The following MED24 variants were observed in gnomAD, a reference collection of about 807,000 sequenced individuals.
The protein encoded by MED24 is mediator of RNA polymerase II transcription subunit 24.
In MED24, 74 loss-of-function variants were observed where a neutral mutation model predicts 118.8. That is an observed-to-expected ratio of 0.62 (90% confidence interval 0.52 to 0.76). The LOEUF (loss-of-function observed/expected upper bound fraction) is 0.76. MED24 is among the 30% of genes least tolerant of loss of function. The pLI, the probability that MED24 is intolerant of heterozygous loss-of-function variation, is 0.00. For missense variants in MED24, 1,041 were observed against 1,278.9 expected (o/e 0.81, Z 2.84); for synonymous variants, 521 against 523.9 (o/e 0.99, Z 0.08).
intron 6 of MED24, chr17:40,034,876 CT>C: frequency 2.1e-6 from 1 of 482,830 alleles, no homozygotes; most frequent in Non-Finnish European, 3.8e-6. Context: ...CCCCCAGCAC[CT>C]AGCACAGTGC....
chr17:40,032,332 C>G, intron 9 of MED24: 1 of 580,276 alleles, frequency 1.7e-6, no homozygotes, highest in Non-Finnish European at 3.0e-6. Context: ...GAAAAAGATG[C>G]CATAAGCAAA....
chr17:40,047,008 T>A (rs1039125506), intron 3 of MED24, among the ~76,000 whole-genome samples: 6 of 151,938 alleles, frequency 3.9e-5, no homozygotes. Flanking sequence ...CTTGGGAACC[T>A]GAGGTAGGAG....
chr17:40,037,867 C>T (rs143443516), intron 3 of MED24, among the ~76,000 whole-genome samples: 10 of 150,968 alleles, frequency 6.6e-5, no homozygotes, highest in East Asian at 3.9e-4. Context: ...GCCGAGATTG[C>T]GCCACTGCAC....
At chr17:40,035,597 G>A in intron 5 of MED24, 125 bp downstream of exon 5, 1 of 1,000,168 alleles carries the variant, frequency 1.0e-6, no homozygotes, top group Non-Finnish European at 1.5e-6. Flanking sequence ...AAGTGTAGAT[G>A]GGCAGGTGGG....
chr17:40,037,413 G>A (rs1005245357), intron 3 of MED24, among the ~76,000 whole-genome samples: 1 of 151,948 alleles, frequency 6.6e-6, no homozygotes. Flanking sequence ...ATTACACGGC[G>A]GGTGCCTGCA....
At position 40,048,842 on chromosome 17, in the gene MED24, A is replaced by T. The variant is rs551671402; in HGVS notation, c.213+4456T>A. ...AGTGCTGGGATTACAGGCAGGAGCC[A>T]CCATGCCTGGCCAATAATATATATG... On this transcript the variant is annotated intron_variant, in intron 3 of 25. Transcript: ENST00000394128. 6.6e-5 allele frequency among the ~76,000 whole-genome samples: 10 copies of T among 152,252 alleles called. No individual in the cohort carries two copies. In the East Asian group the frequency reaches 1.9e-3, roughly 29 times the overall value.
intron 13 of MED24, among the ~76,000 whole-genome samples, chr17:40,029,229 C>T (rs1452756445): frequency 9.2e-5 from 14 of 152,142 alleles, no homozygotes; most frequent in Non-Finnish European, 1.9e-4. Context: ...GACAGAGTCT[C>T]GCTCTATCGC....
chr17:40,044,651 G>A (rs1290154186), intron 3 of MED24, among the ~76,000 whole-genome samples: 1 of 152,132 alleles, frequency 6.6e-6, no homozygotes, highest in Admixed American at 6.6e-5. Flanking sequence ...GGAGGCCGAG[G>A]TGGGCGGATC....
intron 18 of MED24, 130 bp from the exon 19 acceptor site, chr17:40,026,461 C>T: frequency 1.6e-6 from 2 of 1,257,944 alleles, no homozygotes; most frequent in African/African-American, 1.5e-5. Flanking sequence ...CCTCTCTCCA[C>T]AAGTTTGATC....
intron 19 of MED24, among the ~76,000 whole-genome samples, 199 bp downstream of exon 19, chr17:40,025,957 C>CT (rs1183157492): frequency 1.3e-5 from 2 of 152,134 alleles, no homozygotes; most frequent in East Asian, 3.9e-4. Flanking sequence ...ACAGCAGGTG[C>CT]TGGCATATAA....
Position 40,035,308 on chromosome 17 carries a change from G to A in MED24, c.368C>T (p.Ala123Val), listed in dbSNP as rs781544859. ...CAGCCAGTGGAGGGCGCTAAGAAGG[G>A]CTCGGCACAGTCCGATGCATTCCTC... Reference protein sequence around the residue: ...KAEECIGLCRALLSALHWLLR... With the variant: ...KAEECIGLCRVLLSALHWLLR... The change falls in exon 6 of 26, where the codon GCC becomes GTC. Residue 123 changes from alanine (A) to valine (V), a missense_variant. Ala to Val is a moderately conservative substitution (Grantham distance 64). Around this residue, in one of 3 missense-constraint regions of MED24, gnomAD observed 434 missense variants for 514.9 expected, o/e 0.84. Coordinates refer to ENST00000394128, the MANE Select transcript of MED24 (RefSeq NM_014815.4). 30 of 1,609,940 alleles carry A rather than the reference G, an allele frequency of 1.9e-5. No homozygotes were observed. Among genetic ancestry groups the A allele is most frequent in the Non-Finnish European group, 2.5e-5 (30 of 1,176,770 alleles).
At chr17:40,023,624 G>T in intron 19 of MED24, 1 of 484,896 alleles carries the variant, frequency 2.1e-6, no homozygotes, top group Non-Finnish European at 3.6e-6. Context: ...ATAGGGACTG[G>T]GGAGGGACTT....
rs1450521609 is a variant in MED24, at chr17:40,022,636, G to C, written c.2432+9C>G. Reference sequence around the variant, plus strand: ...GCCGGAGCAGGGCAAGCTCTGAAGAGAATCTTACTTGGCAAGAGCAGTGCC... The same window carrying C: ...GCCGGAGCAGGGCAAGCTCTGAAGACAATCTTACTTGGCAAGAGCAGTGCC... On this transcript the variant is annotated intron_variant, in intron 21 of 25. Transcript: ENST00000394128. 6.2e-7 allele frequency: 1 copy of C among 1,613,042 alleles called. No homozygotes were observed. The highest frequency in any genetic ancestry group is 2.2e-5 in the East Asian group (1 of 44,864).
intron 3 of MED24, among the ~76,000 whole-genome samples, chr17:40,049,860 C>T (rs1985632479): frequency 6.6e-6 from 1 of 151,422 alleles, no homozygotes; most frequent in East Asian, 2.0e-4. Flanking sequence ...AAAAGAGATA[C>T]ACATTCAGGC....
Position 40,044,693 on chromosome 17 carries a change from A to G in MED24, c.214-8539T>C, listed in dbSNP as rs537473114. Among the ~76,000 whole-genome samples the G allele has an allele frequency of 9.2e-5, 14 of 152,024 alleles. 1 individual carries two copies. In the South Asian group the frequency reaches 2.9e-3, roughly 32 times the overall value. On this transcript the variant is annotated intron_variant, in intron 3 of 25. Coordinates refer to ENST00000394128, the MANE Select transcript of MED24 (RefSeq NM_014815.4). ...TCAGGAGATCGAGACCATCCTGGCT[A>G]ACAAGATGAAACGCATCTCTACTAA...
In MED24 at chr17:40,031,581, G is replaced by A. The variant is rs754204458; in HGVS notation, c.1024C>T (p.Leu342=). The part of the protein sequence containing the change: ...EDVNCAFEFL[L]KLTPLLDKAD... ...TTGTCCAACAAGGGGGTGAGCTTCA[G>A]CAGGAACTCAAAAGCACAGTTGACA... The change falls in exon 11 of 26, where the codon CTG becomes TTG. Residue 342 remains leucine (L), a synonymous_variant. Transcript: ENST00000394128. 1 of 1,614,168 alleles carries A rather than the reference G, an allele frequency of 6.2e-7. No homozygotes were observed. Among genetic ancestry groups the A allele is most frequent in the Non-Finnish European group, 8.5e-7 (1 of 1,180,014 alleles).
At position 40,023,380 on chromosome 17, in the gene MED24, G is replaced by T; in HGVS notation, c.2001C>A (p.Asn667Lys). 6.3e-7 allele frequency: 1 copy of T among 1,596,152 alleles called. No individual in the cohort carries two copies. Among genetic ancestry groups the T allele is most frequent in the South Asian group, 1.1e-5 (1 of 87,960 alleles). ...QFYNERVVIM[N>K]SILERMCADV... ...CGGCACACATGCGCTCCAGGATCGA[G>T]TTCATGATCACCACCCTGGGGGAGG... is the stretch of plus-strand genomic sequence containing the variant. The change falls in exon 20 of 26, where the codon AAC becomes AAA. Residue 667 changes from asparagine to lysine, a missense_variant. By Grantham distance (94) the Asn-to-Lys change is moderately conservative (BLOSUM62 0). This residue lies in a region of MED24 where 587 missense variants were observed against 694.4 expected (regional missense o/e 0.85). Coordinates refer to ENST00000394128, the MANE Select transcript of MED24 (RefSeq NM_014815.4).
chr17:40,043,164 T>A (rs1346507739), intron 3 of MED24, among the ~76,000 whole-genome samples: 1 of 152,198 alleles, frequency 6.6e-6, no homozygotes, highest in African/African-American at 2.4e-5. Flanking sequence ...GCCAGACTAG[T>A]CTTGAACTCC....
At position 40,022,773 on chromosome 17, in the gene MED24, G is replaced by C. The variant is rs1306389393; in HGVS notation, c.2304C>G (p.Leu768=). The change falls in exon 21 of 26, where the codon CTC becomes CTG. Residue 768 remains leucine, a synonymous_variant. Transcript: ENST00000394128. ...GCATGTCCAGGCAGAAGATGGAGTA[G>C]AGCAGCTCCACTGCCCGCAGCGTGT... is the stretch of plus-strand genomic sequence containing the variant. ...KEHTLRAVEL[L]YSIFCLDMQQ... is the part of the protein sequence containing the mutation. 2 of 1,613,926 alleles carry C rather than the reference G, an allele frequency of 1.2e-6. No individual in the cohort carries two copies. Among genetic ancestry groups the C allele is most frequent in the African/African-American group, 2.7e-5 (2 of 75,016 alleles).
Sources: gnomAD v4.1 joint callset for allele counts (sites outside exome capture counted in the v4.1 genomes callset) on GRCh38, gnomAD v4.1.1 for gene constraint, gnomAD v4.1.1 regional missense constraint, MANE v1.5 for transcripts, NCBI Gene and HGNC (gene_info 2026-07-23, HGNC 2026-07-21) for gene names.